CD163L1: variants seen among roughly 807,000 people sequenced by gnomAD.
CD163L1 encodes the protein CD163 molecule like 1.
CD163L1 carries 124 observed loss-of-function variants against 165.4 expected under a neutral mutation model. The ratio of observed to expected loss-of-function variants is 0.75; its 90% CI spans 0.65 to 0.87. The LOEUF is 0.87. Ranked by LOEUF, CD163L1 falls within the 40% of genes least tolerant of loss-of-function variation. The pLI is 0.00. For missense variants in CD163L1, 1,525 were observed against 1,799.9 expected (o/e 0.85, Z 2.76); for synonymous variants, 585 against 662.2 (o/e 0.88, Z 1.79).
At chr12:7,383,701 T>C (rs767246817) in intron 8 of CD163L1, among the ~76,000 whole-genome samples, 1 of 152,154 alleles carries the variant, frequency 6.6e-6, no homozygotes, top group Non-Finnish European at 1.5e-5. Flanking sequence ...TCCCAGACAC[T>C]CTTCACACTG....
chr12:7,359,467 G>A (rs1315440584), intron 18 of CD163L1, among the ~76,000 whole-genome samples: 1 of 151,882 alleles, frequency 6.6e-6, no homozygotes, highest in African/African-American at 2.4e-5. Flanking sequence ...TATTTAGTGT[G>A]AAAAAAAGAA....
In CD163L1 at chr12:7,375,478, C is replaced by T. The variant is rs369458125; in HGVS notation, c.2804G>A (p.Arg935His). The T allele has an allele frequency of 1.4e-5, 22 of 1,614,042 alleles. No homozygotes were observed. Among genetic ancestry groups the T allele is most frequent in the African/African-American group, 1.2e-4 (9 of 74,924 alleles). Residue 935 changes from arginine to histidine, a missense_variant, in exon 11 of 20, where the codon CGT becomes CAT. By Grantham distance (29) the Arg-to-His change is conservative (BLOSUM62 0). Coordinates refer to ENST00000313599, the MANE Select transcript of CD163L1 (RefSeq NM_174941.6). The part of the protein sequence containing the change: ...CDTHWDPEDA[R>H]VLCRQLSCGT... ...ACAGCTGAGCTGTCTGCATAGAACACGGGCATCTTCTGGGTCCCAGTGGGT... is the reference window on the plus strand; with the variant it reads ...ACAGCTGAGCTGTCTGCATAGAACATGGGCATCTTCTGGGTCCCAGTGGGT...
intron 4 of CD163L1, among the ~76,000 whole-genome samples, chr12:7,422,252 C>T (rs185763465): frequency 6.6e-6 from 1 of 152,168 alleles, no homozygotes; most frequent in Non-Finnish European, 1.5e-5. Flanking sequence ...TCAACATCAA[C>T]AAAAGAATGT....
chr12:7,319,896 AT>A, the CD163L1 span, among the ~76,000 whole-genome samples: 3 of 152,252 alleles, frequency 2.0e-5, no homozygotes, highest in Non-Finnish European at 4.4e-5. Flanking sequence ...TTTAAGTGCT[AT>A]AAAAACCTTT....
chr12:7,349,612 G>A (rs12582962), intron 4 of CD163L1, among the ~76,000 whole-genome samples: 63,274 of 152,016 alleles, frequency 0.42, 14,459 homozygotes, highest in Non-Finnish European at 0.52. Flanking sequence ...TACAATTGTC[G>A]TGGCCACACC....
At chr12:7,356,996 C>T (rs778567306) in intron 19 of CD163L1, among the ~76,000 whole-genome samples, 5 of 152,146 alleles carry the variant, frequency 3.3e-5, no homozygotes, top group South Asian at 2.1e-4. Context: ...TATTAATGCA[C>T]GGAATCTAGT....
At position 7,398,523 on chromosome 12, in the gene CD163L1, C is replaced by T. The variant is rs2136505373; in HGVS notation, c.1470G>A (p.Glu490=). 1 of 1,612,930 alleles carries T rather than the reference C, an allele frequency of 6.2e-7. No individual in the cohort carries two copies. Among genetic ancestry groups the T allele is most frequent in the Non-Finnish European group, 8.5e-7 (1 of 1,179,380 alleles). The change falls in exon 7 of 20, where the codon GAG becomes GAA. Residue 490 remains glutamate (E), a synonymous_variant. Transcript: ENST00000313599. This position sits in a 1 kb window ranked among gnomAD's most constrained non-coding sequence, Gnocchi z 4.5. ...TCCCCCACTCTCCTTGGTATTTCAC[C>T]TCCAATCTCCCATAACAGGGGCTAT... The part of the protein sequence containing the change: ...GAHSPCYGRL[E]VKYQGEWGTV...
intron 2 of CD163L1, chr12:7,439,229 T>A: frequency 6.3e-7 from 1 of 1,579,432 alleles, no homozygotes; most frequent in Non-Finnish European, 8.6e-7. Flanking sequence ...TTCGACAAAT[T>A]TTCTTTTTTT....
chr12:7,437,172 G>A (rs1948728392), intron 2 of CD163L1, among the ~76,000 whole-genome samples: 1 of 30,088 alleles, frequency 3.3e-5, no homozygotes, highest in Non-Finnish European at 1.5e-4. Context: ...TTTATTAATA[G>A]TATTACTTTT....
In CD163L1 at chr12:7,398,546, T is replaced by A; in HGVS notation, c.1447A>T (p.Ser483Cys). The A allele has an allele frequency of 6.2e-7, 1 of 1,605,478 alleles. No homozygotes were observed. Among genetic ancestry groups the A allele is most frequent in the Non-Finnish European group, 8.5e-7 (1 of 1,175,970 alleles). ...ACCTCCAATCTCCCATAACAGGGGC[T>A]ATGAGCCCCGACAAGCCTTAGGTCC... Reference protein sequence around the residue: ...DLDLRLVGAHSPCYGRLEVKY... With the variant: ...DLDLRLVGAHCPCYGRLEVKY... The change falls in exon 7 of 20, where the codon AGC becomes TGC. Residue 483 changes from serine to cysteine, a missense_variant. Transcript: ENST00000313599. This position sits in a 1 kb window ranked among gnomAD's most constrained non-coding sequence, Gnocchi z 4.5.
In CD163L1 at chr12:7,375,472, A is replaced by G; in HGVS notation, c.2810T>C (p.Leu937Pro). The change falls in exon 11 of 20, where the codon CTA becomes CCA. Residue 937 changes from leucine (L) to proline (P), a missense_variant. Physicochemically the swap from Leu to Pro is moderately conservative, Grantham distance 98. Coordinates refer to ENST00000313599, the MANE Select transcript of CD163L1 (RefSeq NM_174941.6). ...AGTCCCACAGCTGAGCTGTCTGCAT[A>G]GAACACGGGCATCTTCTGGGTCCCA... ...THWDPEDARV[L>P]CRQLSCGTAL... is the part of the protein sequence containing the mutation. 1 of 1,614,184 alleles carries G rather than the reference A, an allele frequency of 6.2e-7. No individual in the cohort carries two copies. Among genetic ancestry groups the G allele is most frequent in the Non-Finnish European group, 8.5e-7 (1 of 1,180,026 alleles).
Position 7,439,655 on chromosome 12 carries a change from C to G in CD163L1, c.124+1499G>C, listed in dbSNP as rs960892456. The G allele has an allele frequency of 8.7e-6, 14 of 1,612,450 alleles. No individual in the cohort carries two copies. In the Admixed American group the frequency reaches 1.2e-4, roughly 13 times the overall value. On this transcript the variant is annotated intron_variant, in intron 2 of 19. Coordinates refer to ENST00000313599, the MANE Select transcript of CD163L1 (RefSeq NM_174941.6). Reference sequence around the variant, plus strand: ...TTCCTGACTGCTTTGGCTTTGTTCTCTGCAATTTTCTTCCTAAATTCAAGA... The same window carrying G: ...TTCCTGACTGCTTTGGCTTTGTTCTGTGCAATTTTCTTCCTAAATTCAAGA...
In CD163L1 at chr12:7,395,443, G is replaced by A. The variant is rs758519045; in HGVS notation, c.2050+652C>T. Among the ~76,000 whole-genome samples, 26 of 152,228 alleles carry A rather than the reference G, an allele frequency of 1.7e-4. 1 individual carries two copies. Among genetic ancestry groups the A allele is most frequent in the East Asian group, 5.8e-4 (3 of 5,180 alleles). On this transcript the variant is annotated intron_variant, in intron 8 of 19. Coordinates refer to ENST00000313599, the MANE Select transcript of CD163L1 (RefSeq NM_174941.6). ...GGAACATCACCCACTGGGGCCTGTCGGTTGGTGGGGGACTGGGGGAGGGAT... is the reference window on the plus strand; with the variant it reads ...GGAACATCACCCACTGGGGCCTGTCAGTTGGTGGGGGACTGGGGGAGGGAT...
At chr12:7,337,867 C>T in the CD163L1 span, among the ~76,000 whole-genome samples, 2 of 152,176 alleles carry the variant, frequency 1.3e-5, no homozygotes, top group African/African-American at 2.4e-5. Flanking sequence ...CACATACACA[C>T]GTATGTTTAT....
intron 2 of CD163L1, chr12:7,438,947 T>C (rs1309655120): frequency 1.2e-6 from 2 of 1,608,230 alleles, no homozygotes; most frequent in African/African-American, 2.7e-5. Context: ...GAATGCGTTC[T>C]TGTTCTCTAG....
intron 19 of CD163L1, among the ~76,000 whole-genome samples, chr12:7,355,365 T>G (rs1001449560): frequency 2.6e-5 from 4 of 152,116 alleles, no homozygotes; most frequent in Non-Finnish European, 5.9e-5. Flanking sequence ...GAATTCTGAG[T>G]CTCAGAATGT....
At position 7,373,488 on chromosome 12, in the gene CD163L1, C is replaced by T. The variant is rs149044372; in HGVS notation, c.3562G>A (p.Glu1188Lys). The T allele has an allele frequency of 5.6e-4, 902 of 1,614,166 alleles. 7 individuals are homozygous for T. The African/African-American group carries it at 0.011, about 19-fold the overall frequency. ...GIVCRQLGCGENGVVSLAPLS... is the reference protein window; with the variant it reads ...GIVCRQLGCGKNGVVSLAPLS... ...GGGGCGAGGCTGACAACTCCATTCTCCCCACAGCCCAGCTGCCTGCACACA... is the reference window on the plus strand; with the variant it reads ...GGGGCGAGGCTGACAACTCCATTCTTCCCACAGCCCAGCTGCCTGCACACA... The change falls in exon 14 of 20, where the codon GAG becomes AAG. Residue 1188 changes from glutamate to lysine, a missense_variant. Transcript: ENST00000313599.
At chr12:7,408,393 ATTATT>A (rs1456496866) in intron 4 of CD163L1, among the ~76,000 whole-genome samples, 1 of 152,144 alleles carries the variant, frequency 6.6e-6, no homozygotes, top group Non-Finnish European at 1.5e-5. Flanking sequence ...ACAGTGTATT[ATTATT>A]TTAATATATT....
Position 7,375,758 on chromosome 12 carries a change from A to G in CD163L1, c.2628T>C (p.Ile876=), listed in dbSNP as rs1424280263. 6.2e-7 allele frequency: 1 copy of G among 1,614,120 alleles called. No individual in the cohort carries two copies. The highest frequency in any genetic ancestry group is 2.2e-5 in the East Asian group (1 of 44,890). The change falls in exon 10 of 20, where the codon ATT becomes ATC. Residue 876 remains isoleucine (I), a synonymous_variant. Coordinates refer to ENST00000313599, the MANE Select transcript of CD163L1 (RefSeq NM_174941.6). ...GSETHLALCP[I]VQHPEDTCIH... is the part of the protein sequence containing the mutation. The stretch of plus-strand genomic sequence containing the variant: ...TACAAGTGTCTTCCGGATGTTGAAC[A>G]ATGGGGCATAATGCAAGGTGAGTTT...
Sources: gnomAD v4.1 joint callset for allele counts (sites outside exome capture counted in the v4.1 genomes callset) on GRCh38, gnomAD v4.1.1 for gene constraint, Gnocchi (gnomAD v3.1) non-coding constraint, MANE v1.5 for transcripts, NCBI Gene and HGNC (gene_info 2026-07-23, HGNC 2026-07-21) for gene names.